The following UGT3A2 variants were observed in gnomAD, a reference collection of about 807,000 sequenced individuals.
The protein encoded by UGT3A2 is UDP-glycosyltransferase 3A2.
A neutral mutation model predicts 39.8 loss-of-function variants in UGT3A2; 32 were observed. The ratio of observed to expected loss-of-function variants is 0.80; its 90% CI spans 0.61 to 1.08. UGT3A2 has a LOEUF of 1.08. Among genes scored for constraint, UGT3A2 ranks in the 50% least tolerant of loss-of-function variants. The pLI is 0.00. For synonymous variants in UGT3A2, 241 were observed against 230.7 expected (o/e 1.04, Z -0.40); for missense variants, 611 against 637.1 (o/e 0.96, Z 0.44).
chr5:36,039,932 C>A (rs79972118), intron 4 of UGT3A2, among the ~76,000 whole-genome samples: 3 of 152,076 alleles, frequency 2.0e-5, no homozygotes, highest in Non-Finnish European at 4.4e-5. Flanking sequence ...TACTATCAGG[C>A]CTTTCTTGAC....
chr5:36,057,528 T>C (rs1051468693), intron 2 of UGT3A2, among the ~76,000 whole-genome samples: 2 of 149,772 alleles, frequency 1.3e-5, no homozygotes, highest in Non-Finnish European at 3.0e-5. Flanking sequence ...TCTCTCTCTC[T>C]CTCTCTCTCT....
intron 2 of UGT3A2, among the ~76,000 whole-genome samples, chr5:36,055,917 T>C (rs1052039679): frequency 3.9e-5 from 6 of 152,236 alleles, no homozygotes; most frequent in African/African-American, 1.4e-4. Context: ...TTTTATTTTA[T>C]GTGTAGACTA....
intron 4 of UGT3A2, among the ~76,000 whole-genome samples, chr5:36,045,477 C>T (rs142352608): frequency 0.014 from 2,163 of 151,800 alleles, 28 homozygotes; most frequent in African/African-American, 0.05. Context: ...CCTGTAATCC[C>T]AGCTGCTCGG....
At chr5:36,037,205 A>G (rs1741858091) in intron 6 of UGT3A2, among the ~76,000 whole-genome samples, 1 of 152,228 alleles carries the variant, frequency 6.6e-6, no homozygotes, top group Admixed American at 6.5e-5. Flanking sequence ...GTTTGAGACC[A>G]GCCTGGGCAA....
At chr5:36,052,808 T>C (rs1041520663) in intron 2 of UGT3A2, among the ~76,000 whole-genome samples, 1 of 152,192 alleles carries the variant, frequency 6.6e-6, no homozygotes, top group African/African-American at 2.4e-5. Flanking sequence ...CATGTGTGCC[T>C]TCATCACATC....
Position 36,049,110 on chromosome 5 carries a change from A to G in UGT3A2, c.622T>C (p.Phe208Leu), listed in dbSNP as rs1420045329. ...TGCTGTTGCCTCCTGCAGAAACTAAAGAACATCAGAAAATTCTTCACTCGG... is the reference window on the plus strand; with the variant it reads ...TGCTGTTGCCTCCTGCAGAAACTAAGGAACATCAGAAAATTCTTCACTCGG... ...WGRVKNFLMF[F>L]SFCRRQQHMQ... The change falls in exon 4 of 7, where the codon TTT becomes CTT. Residue 208 changes from phenylalanine to leucine, a missense_variant. Transcript: ENST00000282507. 2 of 1,614,216 alleles carry G rather than the reference A, an allele frequency of 1.2e-6. No individual in the cohort carries two copies. The highest frequency in any genetic ancestry group is 1.1e-5 in the South Asian group (1 of 91,084).
intron 2 of UGT3A2, among the ~76,000 whole-genome samples, chr5:36,058,338 A>G (rs1176776232): frequency 1.3e-5 from 2 of 152,220 alleles, no homozygotes; most frequent in African/African-American, 4.8e-5. Flanking sequence ...ACAGAGAAAT[A>G]GAATATGGTT....
intron 2 of UGT3A2, among the ~76,000 whole-genome samples, chr5:36,060,148 G>A (rs527722549): frequency 6.6e-6 from 1 of 152,352 alleles, no homozygotes; most frequent in South Asian, 2.1e-4. Context: ...TTGTGGCCAT[G>A]CTGGCCATGG....
chr5:36,049,254 T>C lies in UGT3A2; in HGVS notation c.478A>G (p.Lys160Glu), dbSNP rs747788157. ...GTGGAAAGAATGGCCACAAATGGCT[T>C]CCCAAGCTTCTCAGCAATCAGGAAA... ...CPFLIAEKLG[K>E]PFVAILSTSF... Residue 160 changes from lysine (K) to glutamate (E), a missense_variant, in exon 4 of 7, where the codon AAG (lysine) becomes GAG (glutamate). Transcript: ENST00000282507. 1 of 1,614,090 alleles carries C rather than the reference T, an allele frequency of 6.2e-7. No individual in the cohort carries two copies. The highest frequency in any genetic ancestry group is 8.5e-7 in the Non-Finnish European group (1 of 1,179,966).
chr5:36,044,033 G>A (rs1004005310), intron 4 of UGT3A2, among the ~76,000 whole-genome samples: 12 of 151,804 alleles, frequency 7.9e-5, no homozygotes, highest in East Asian at 3.9e-4. Context: ...AATACACATC[G>A]GAAAAAGGAA....
intron 4 of UGT3A2, among the ~76,000 whole-genome samples, chr5:36,042,433 A>G (rs1247285969): frequency 6.6e-6 from 1 of 152,184 alleles, no homozygotes; most frequent in Non-Finnish European, 1.5e-5. Context: ...CCACCAGAGA[A>G]AATCATTTTC....
chr5:36,039,435 C>T (rs1467342105), intron 5 of UGT3A2, 42 bp downstream of exon 5: 1 of 1,583,302 alleles, frequency 6.3e-7, no homozygotes. Context: ...GCCCCAAAGA[C>T]AGGTCAGTGG....
At chr5:36,040,432 A>C (rs1201739775) in intron 4 of UGT3A2, among the ~76,000 whole-genome samples, 4 of 152,216 alleles carry the variant, frequency 2.6e-5, no homozygotes, top group African/African-American at 7.2e-5. Context: ...AGCAATCACC[A>C]TTCCTGGTTT....
At chr5:36,057,815 C>T (rs1020900798) in intron 2 of UGT3A2, among the ~76,000 whole-genome samples, 2 of 152,120 alleles carry the variant, frequency 1.3e-5, no homozygotes, top group African/African-American at 4.8e-5. Context: ...GCTGGGATTA[C>T]AAATGTGAGC....
At chr5:36,061,524 G>A (rs1742704773) in intron 2 of UGT3A2, among the ~76,000 whole-genome samples, 2 of 151,002 alleles carry the variant, frequency 1.3e-5, no homozygotes, top group African/African-American at 4.9e-5. Flanking sequence ...GTTTACTGAG[G>A]ATGATGATTT....
rs896235717 is a variant in UGT3A2 at position 36,051,925 on chromosome 5, G to C, written c.256C>G (p.Gln86Glu). The change falls in exon 3 of 7, where the codon CAA (glutamine) becomes GAA (glutamate). Residue 86 changes from glutamine to glutamate, a missense_variant. Coordinates refer to ENST00000282507, the MANE Select transcript of UGT3A2 (RefSeq NM_174914.4). ...TCAAAACTCTTTTTAAATTCTCTTT[G>C]ATGATCTTCAGGTGCAAGCCAACTG... Reference protein sequence around the residue: ...VISWLAPEDHQREFKKSFDFF... With the variant: ...VISWLAPEDHEREFKKSFDFF... The C allele has an allele frequency of 1.9e-6, 3 of 1,592,230 alleles. No homozygotes were observed. The highest frequency in any genetic ancestry group is 1.7e-6 in the Non-Finnish European group (2 of 1,174,308).
At position 36,035,524 on chromosome 5, in the gene UGT3A2, T is replaced by A; in HGVS notation, c.*174A>T. On this transcript the variant is annotated 3_prime_UTR_variant, in exon 7 of 7. Coordinates refer to ENST00000282507, the MANE Select transcript of UGT3A2 (RefSeq NM_174914.4). The stretch of plus-strand genomic sequence containing the variant: ...GCAGGCAGGAGCTAGTAAGGATGAA[T>A]TTGTAGCAAAATTAGCAAGTGGAAA... 1.0e-6 allele frequency: 1 copy of A among 964,802 alleles called. No individual in the cohort carries two copies. The highest frequency in any genetic ancestry group is 1.5e-6 in the Non-Finnish European group (1 of 661,274). 59.8% of individuals were successfully genotyped at this position (964,802 alleles called of 1,614,324 possible). A position where few individuals can be genotyped will look rare whatever the true frequency, so the allele number is the denominator to read the frequency against.
rs1424466251 is a variant in UGT3A2 at position 36,049,424 on chromosome 5, T to C, written c.312-4A>G. ...TAATAAGTTTTCAAATTTTCCTCTG[T>C]AAGAAAAAAATGATAATAAATATTC... On this transcript the variant is annotated splice_polypyrimidine_tract_variant and splice_region_variant and intron_variant, in intron 3 of 6. Coordinates refer to ENST00000282507, the MANE Select transcript of UGT3A2 (RefSeq NM_174914.4). 6.5e-7 allele frequency: 1 copy of C among 1,538,664 alleles called. No homozygotes were observed.
At chr5:36,051,427 T>C (rs1476458142) in intron 3 of UGT3A2, among the ~76,000 whole-genome samples, 2 of 152,148 alleles carry the variant, frequency 1.3e-5, no homozygotes, top group East Asian at 3.9e-4. Context: ...TTTATGAATA[T>C]ATATAAGAAG....
Sources: allele counts gnomAD v4.1 joint callset (sites outside exome capture counted in the v4.1 genomes callset), GRCh38; gene constraint gnomAD v4.1.1; transcripts MANE v1.5; gene names NCBI Gene and HGNC (gene_info 2026-07-23, HGNC 2026-07-21).